C12orf42: variants seen among roughly 807,000 people sequenced by gnomAD.
The protein encoded by C12orf42 is chromosome 12 open reading frame 42.
C12orf42 carries 25 observed loss-of-function variants against 21.6 expected under a neutral mutation model. That is an observed-to-expected ratio of 1.16 (90% CI 0.84 to 1.62). The LOEUF is 1.62. Ranked by LOEUF, C12orf42 falls within the 40% of genes most tolerant of loss-of-function variation. C12orf42 has a pLI of 0.00. For missense variants in C12orf42, 483 were observed against 459.3 expected (o/e 1.05, Z -0.47); for synonymous variants, 174 against 175.0 (o/e 0.99, Z 0.05).
intron 10 of C12orf42, among the ~76,000 whole-genome samples, chr12:103,256,111 TACACACACACACACACAC>T (rs199952822): frequency 5.9e-5 from 2 of 33,864 alleles, no homozygotes; most frequent in East Asian, 7.4e-4. Flanking sequence ...TATATATATA[TACACACACACACACACAC>T]ACACACACAC....
chr12:103,290,495 T>C (rs1281361090), intron 4 of C12orf42, among the ~76,000 whole-genome samples: 1 of 152,156 alleles, frequency 6.6e-6, no homozygotes, highest in African/African-American at 2.4e-5. Context: ...GAAGAGAACA[T>C]TGTTAAAGTC....
intron 10 of C12orf42, among the ~76,000 whole-genome samples, chr12:103,256,117 C>T (rs1399717292): frequency 0.072 from 2,789 of 38,600 alleles, 118 homozygotes; most frequent in African/African-American, 0.19. Flanking sequence ...TATATACACA[C>T]ACACACACAC....
chr12:103,320,646 G>A (rs7294776), intron 4 of C12orf42, among the ~76,000 whole-genome samples: 26,645 of 151,918 alleles, frequency 0.18, 3,687 homozygotes, highest in African/African-American at 0.38. Context: ...GCTTAGAGAC[G>A]GTTCTACATT....
the C12orf42 span, among the ~76,000 whole-genome samples, chr12:103,131,706 G>A: frequency 1.3e-5 from 2 of 152,192 alleles, no homozygotes; most frequent in Admixed American, 1.3e-4. Flanking sequence ...CATTTGGGTA[G>A]GGCTATGATG....
chr12:103,474,021 CG>C (rs1565885355), intron 2 of C12orf42, among the ~76,000 whole-genome samples: 3 of 152,068 alleles, frequency 2.0e-5, no homozygotes, highest in African/African-American at 7.2e-5. Context: ...TGAGTTTTGA[CG>C]GGGTTTTGGT....
At position 103,296,195 on chromosome 12, in the gene C12orf42, T is replaced by A. The variant is rs955656013; in HGVS notation, n.338-18985A>T. On this transcript the variant is annotated intron_variant and non_coding_transcript_variant, in intron 4 of 6. Coordinates refer to the C12orf42 transcript ENST00000546526. The stretch of plus-strand genomic sequence containing the variant: ...ATGTCCCTACAAAGGACATGAACTC[T>A]TCATTTTTTATGGCTGCATAGTATT... 6.6e-5 allele frequency among the ~76,000 whole-genome samples: 10 copies of A among 151,990 alleles called. No homozygotes were observed. In the South Asian group the frequency reaches 8.3e-4, roughly 13 times the overall value.
At chr12:103,476,157 A>G (rs765942172) in intron 2 of C12orf42, among the ~76,000 whole-genome samples, 1 of 152,246 alleles carries the variant, frequency 6.6e-6, no homozygotes, top group Non-Finnish European at 1.5e-5. Context: ...AACATAGATA[A>G]TGAAAGCAGG....
the C12orf42 span, among the ~76,000 whole-genome samples, chr12:103,162,331 T>A: frequency 6.6e-6 from 1 of 151,974 alleles, no homozygotes; most frequent in Non-Finnish European, 1.5e-5. Flanking sequence ...CCCACTGGGG[T>A]AGACTGCTGC....
chr12:103,167,939 C>A, the C12orf42 span: 2 of 409,862 alleles, frequency 4.9e-6, no homozygotes, highest in Non-Finnish European at 9.7e-6. Context: ...TGTGTGTATA[C>A]TGCAAATGGT....
chr12:103,354,466 C>T (rs1023422496), intron 4 of C12orf42, among the ~76,000 whole-genome samples: 3 of 152,112 alleles, frequency 2.0e-5, no homozygotes, highest in African/African-American at 7.2e-5. Context: ...CTGAGATCAA[C>T]TGTTTGATAA....
At chr12:103,178,941 G>A in the C12orf42 span, among the ~76,000 whole-genome samples, 1 of 152,156 alleles carries the variant, frequency 6.6e-6, no homozygotes, top group South Asian at 2.1e-4. Context: ...TGATCTCCAT[G>A]ATGCCAACTG....
At chr12:103,529,351 G>T in the C12orf42 span, among the ~76,000 whole-genome samples, 2 of 152,248 alleles carry the variant, frequency 1.3e-5, no homozygotes, top group Non-Finnish European at 2.9e-5. Flanking sequence ...TCCTCAGCAT[G>T]TAATGCCTGA....
chr12:103,158,371 C>T, the C12orf42 span, among the ~76,000 whole-genome samples: 2 of 152,174 alleles, frequency 1.3e-5, no homozygotes, highest in Non-Finnish European at 2.9e-5. Context: ...ACGAAGATAG[C>T]TTCTGCGCTG....
chr12:103,227,576 C>T, the C12orf42 span, among the ~76,000 whole-genome samples: 1 of 151,842 alleles, frequency 6.6e-6, no homozygotes, highest in South Asian at 2.1e-4. Context: ...GGGTACTTGC[C>T]CCTCTCCCAG....
intron 2 of C12orf42, among the ~76,000 whole-genome samples, chr12:103,423,345 A>G (rs1215267026): frequency 1.3e-5 from 2 of 152,230 alleles, no homozygotes; most frequent in Non-Finnish European, 2.9e-5. Flanking sequence ...ATTGAAAATG[A>G]ACACGGATCA....
At chr12:103,463,676 C>T (rs1034556571) in intron 2 of C12orf42, among the ~76,000 whole-genome samples, 5 of 152,194 alleles carry the variant, frequency 3.3e-5, no homozygotes, top group South Asian at 2.1e-4. Flanking sequence ...GGTAGTTTGC[C>T]GCACCTATTA....
chr12:103,519,295 G>T, the C12orf42 span, among the ~76,000 whole-genome samples: 1 of 151,948 alleles, frequency 6.6e-6, no homozygotes, highest in Non-Finnish European at 1.5e-5. Flanking sequence ...GTATGAAAAT[G>T]GAAGAATATA....
chr12:103,204,195 G>T, the C12orf42 span, among the ~76,000 whole-genome samples: 278 of 152,236 alleles, frequency 1.8e-3, 1 homozygote, highest in African/African-American at 6.4e-3. Flanking sequence ...CAATGAGATG[G>T]CTTTAAGGAA....
intron 4 of C12orf42, among the ~76,000 whole-genome samples, chr12:103,294,594 AAG>A (rs1396521034): frequency 7.5e-6 from 1 of 132,460 alleles, no homozygotes; most frequent in Non-Finnish European, 1.6e-5. Context: ...GAAAGAAAGA[AAG>A]AAAGAAAGAA....
Sources: allele counts gnomAD v4.1 joint callset (sites outside exome capture counted in the v4.1 genomes callset), GRCh38; gene constraint gnomAD v4.1.1; transcripts MANE v1.5; gene names NCBI Gene and HGNC (gene_info 2026-07-23, HGNC 2026-07-21).